The following CIAO2A variants were observed in gnomAD, a reference collection of about 807,000 sequenced individuals.
The protein encoded by CIAO2A is MIP18 family protein FAM96A.
In CIAO2A, 17 loss-of-function variants were observed where a neutral mutation model predicts 22.4. The observed-to-expected ratio is 0.76, with a 90% CI of 0.52 to 1.14. The LOEUF (loss-of-function observed/expected upper bound fraction) is 1.14. CIAO2A is among the 50% of genes most tolerant of loss of function. The pLI is 0.00. For missense variants in CIAO2A, 192 were observed against 191.4 expected, an observed-to-expected ratio of 1.00 and a Z score of -0.02; for synonymous variants, 74 against 72.3, an observed-to-expected ratio of 1.02 and a Z score of -0.12.
chr15:64,075,657 T>C (rs547398321), intron 3 of CIAO2A, 120 bp from the exon 4 acceptor site: 20 of 494,518 alleles, frequency 4.0e-5, no homozygotes, highest in Non-Finnish European at 5.8e-5. Context: ...CTGTTTCTTT[T>C]TTTTTTTTTT....
chr15:64,089,949 T>A (rs757485510), intron 1 of CIAO2A, among the ~76,000 whole-genome samples: 5 of 152,000 alleles, frequency 3.3e-5, no homozygotes, highest in Non-Finnish European at 5.9e-5. Context: ...TAGCATAGAG[T>A]TTAAAACAGC....
intron 2 of CIAO2A, among the ~76,000 whole-genome samples, chr15:64,086,303 T>C (rs1380932010): frequency 6.6e-6 from 1 of 151,616 alleles, no homozygotes; most frequent in African/African-American, 2.4e-5. Flanking sequence ...TTGCAGCTAC[T>C]TGGGAGGCTG....
chr15:64,092,493 AT>A (rs2080848224), intron 1 of CIAO2A, among the ~76,000 whole-genome samples: 1 of 152,006 alleles, frequency 6.6e-6, no homozygotes, highest in Non-Finnish European at 1.5e-5. Flanking sequence ...TACATACTCT[AT>A]TTTTGCATAT....
Position 64,089,430 on chromosome 15 carries a change from G to A in CIAO2A, c.125-579C>T, listed in dbSNP as rs1021135296. 2.6e-5 allele frequency among the ~76,000 whole-genome samples: 3 copies of A among 115,678 alleles called. No homozygotes were observed. The South Asian group carries it at 1.0e-3, about 39-fold the overall frequency. 75.9% of individuals were successfully genotyped at this position (115,678 alleles called of 152,430 possible). A position where few individuals can be genotyped will look rare whatever the true frequency, so the allele number is the denominator to read the frequency against. On this transcript the variant is annotated intron_variant, in intron 1 of 4. Coordinates refer to ENST00000300030, the MANE Select transcript of CIAO2A (RefSeq NM_032231.7). The stretch of plus-strand genomic sequence containing the variant: ...GTGGTCCCAGCCACTCAGGAGGATC[G>A]CTTGAGCCCAGGAGGCAGAGGTTGA...
chr15:64,080,771 G>A (rs2080753982), intron 3 of CIAO2A, among the ~76,000 whole-genome samples: 1 of 152,144 alleles, frequency 6.6e-6, no homozygotes, highest in Non-Finnish European at 1.5e-5. Context: ...GTGGAGAAGT[G>A]GGAACGCAGA....
rs527305764 is a variant in CIAO2A, at chr15:64,093,741, A to C, written c.28T>G (p.Trp10Gly). The C allele has an allele frequency of 4.3e-6, 7 of 1,613,424 alleles. No homozygotes were observed. In the East Asian group the frequency reaches 1.1e-4, roughly 26 times the overall value. The change falls in exon 1 of 5, where the codon TGG (tryptophan) becomes GGG (glycine). Residue 10 changes from tryptophan (W) to glycine (G), a missense_variant. Transcript: ENST00000300030. ...AGCCACAGGACTCTGCTCAGCGTCC[A>C]GGAGAGCAGCCCGGACACCCGCTGC... MQRVSGLLS[W>G]TLSRVLWLSG...
rs926225858 is a variant in CIAO2A at position 64,072,719 on chromosome 15, G to C, written c.*212C>G. The C allele has an allele frequency of 2.5e-6, 1 of 406,766 alleles. No individual in the cohort carries two copies. The highest frequency in any genetic ancestry group is 6.4e-4 in the Middle Eastern group (1 of 1,574). 25.2% of individuals were successfully genotyped at this position (406,766 alleles called of 1,614,324 possible). ...CATAATAACTAGAAAATATTATTCT[G>C]TCTGATCATTTAAGTGTTACAAATC... On this transcript the variant is annotated 3_prime_UTR_variant, in exon 5 of 5. Transcript: ENST00000300030.
chr15:64,077,240 G>C (rs1293806293), intron 3 of CIAO2A, among the ~76,000 whole-genome samples: 1 of 152,206 alleles, frequency 6.6e-6, no homozygotes, highest in Non-Finnish European at 1.5e-5. Flanking sequence ...GGAGGTTACA[G>C]TGAGCTGAGA....
chr15:64,078,656 GAA>G (rs2080738035), intron 3 of CIAO2A, among the ~76,000 whole-genome samples: 1 of 81,972 alleles, frequency 1.2e-5, no homozygotes, highest in African/African-American at 3.3e-5. Flanking sequence ...AAAAAAAAAA[GAA>G]AAGAGAGAGA....
At chr15:64,092,088 AT>A (rs1384202656) in intron 1 of CIAO2A, among the ~76,000 whole-genome samples, 3 of 150,044 alleles carry the variant, frequency 2.0e-5, no homozygotes, top group Non-Finnish European at 3.0e-5. Context: ...AAAAAAAAAA[AT>A]TTAAAAGAAA....
At chr15:64,082,375 C>T (rs962634309) in intron 2 of CIAO2A, among the ~76,000 whole-genome samples, 10 of 152,054 alleles carry the variant, frequency 6.6e-5, no homozygotes, top group African/African-American at 2.4e-4. Flanking sequence ...ACTACAGAAG[C>T]ACGCTACCAC....
intron 2 of CIAO2A, among the ~76,000 whole-genome samples, chr15:64,083,741 G>C (rs1010113570): frequency 6.6e-6 from 1 of 152,120 alleles, no homozygotes; most frequent in South Asian, 2.1e-4. Context: ...CTAGGAGTTT[G>C]AGACTAGCCT....
chr15:64,085,073 C>T (rs1024148674), intron 2 of CIAO2A, among the ~76,000 whole-genome samples: 1 of 139,648 alleles, frequency 7.2e-6, no homozygotes, highest in Admixed American at 7.8e-5. Context: ...AAGTGAGACT[C>T]TGTCTCAAAA....
chr15:64,087,840 C>T (rs908245944), intron 2 of CIAO2A, among the ~76,000 whole-genome samples: 14 of 152,022 alleles, frequency 9.2e-5, no homozygotes, highest in African/African-American at 3.4e-4. Context: ...CCCGCTAACA[C>T]CCTTATAGCT....
chr15:64,081,179 T>G (rs2080756781), intron 2 of CIAO2A, 28 bp from the exon 3 acceptor site: 1 of 1,600,044 alleles, frequency 6.2e-7, no homozygotes, highest in Non-Finnish European at 8.6e-7. Flanking sequence ...CACCTCCAAT[T>G]ATCTCTTTAT....
chr15:64,073,165 T>C, intron 4 of CIAO2A, 137 bp from the exon 5 acceptor site: 1 of 557,514 alleles, frequency 1.8e-6, no homozygotes, highest in Non-Finnish European at 3.2e-6. Context: ...TTACTCATAA[T>C]GTAATTTCCC....
At chr15:64,076,968 A>G (rs1476966822) in intron 3 of CIAO2A, among the ~76,000 whole-genome samples, 1 of 152,088 alleles carries the variant, frequency 6.6e-6, no homozygotes, top group Non-Finnish European at 1.5e-5. Flanking sequence ...GGCCTCCCAA[A>G]GTACAGAGAT....
chr15:64,081,272 C>A, intron 2 of CIAO2A, 121 bp from the exon 3 acceptor site: 1 of 778,116 alleles, frequency 1.3e-6, no homozygotes, highest in South Asian at 1.8e-5. Context: ...AGCTTTGGCT[C>A]AATCCAGAGC....
At chr15:64,085,912 G>A (rs983940496) in intron 2 of CIAO2A, among the ~76,000 whole-genome samples, 6 of 151,634 alleles carry the variant, frequency 4.0e-5, no homozygotes, top group Admixed American at 1.3e-4. Context: ...GTTTCACTAC[G>A]TTGGCCAGGC....
Sources: allele counts gnomAD v4.1 joint callset (sites outside exome capture counted in the v4.1 genomes callset), GRCh38; gene constraint gnomAD v4.1.1; transcripts MANE v1.5; gene names NCBI Gene and HGNC (gene_info 2026-07-23, HGNC 2026-07-21).